The following MGAT4A variants were observed in gnomAD, a reference collection of about 807,000 sequenced individuals.
MGAT4A encodes N-acetylglucosaminyltransferase IVa.
MGAT4A carries 33 observed loss-of-function variants against 74.1 expected under a neutral mutation model. The ratio of observed to expected loss-of-function variants is 0.45; its 90% CI spans 0.34 to 0.60. The LOEUF is 0.60. Among genes scored for constraint, MGAT4A ranks in the 20% least tolerant of loss-of-function variants. The pLI, the probability that MGAT4A is intolerant of heterozygous loss-of-function variation, is 0.02. For synonymous variants in MGAT4A, 198 were observed against 210.4 expected (o/e 0.94, Z 0.51); for missense variants, 479 against 628.3 (o/e 0.76, Z 2.54).
intron 2 of MGAT4A, among the ~76,000 whole-genome samples, chr2:98,686,841 C>G (rs1422453955): frequency 6.6e-6 from 1 of 152,166 alleles, no homozygotes; most frequent in Non-Finnish European, 1.5e-5. Context: ...TCCTTGACTT[C>G]CCTTGGGAAA....
At position 98,623,165 on chromosome 2, in the gene MGAT4A, C is replaced by T. The variant is rs1266719766; in HGVS notation, c.*2401G>A. The T allele has an allele frequency of 1.0e-6, 1 of 985,294 alleles. No homozygotes were observed. Among genetic ancestry groups the T allele is most frequent in the African/African-American group, 1.7e-5 (1 of 57,220 alleles). 61.0% of individuals were successfully genotyped at this position (985,294 alleles called of 1,614,324 possible). A position where few individuals can be genotyped will look rare whatever the true frequency, so the allele number is the denominator to read the frequency against. ...CATGGGGAGAGAAGCACAAAAAAGT[C>T]CTGGAATGATAGGAAAGATTTGGCT... On this transcript the variant is annotated 3_prime_UTR_variant, in exon 16 of 16. Coordinates refer to ENST00000393487, the MANE Select transcript of MGAT4A (RefSeq NM_012214.3).
chr2:98,726,442 A>G lies in MGAT4A; in HGVS notation c.-110T>C. 1 of 759,506 alleles carries G rather than the reference A, an allele frequency of 1.3e-6. No individual in the cohort carries two copies. The highest frequency in any genetic ancestry group is 1.9e-5 in the South Asian group (1 of 52,862). The allele number at this position is 759,506 out of a possible 1,614,324, so 47.0% of individuals were successfully genotyped here. A position where few individuals can be genotyped will look rare whatever the true frequency, so the allele number is the denominator to read the frequency against. ...GCAGTACTCCTGGCTCTAGGCCAAT[A>G]AAAATCAATAAGAGAGGTTCATTTC... On this transcript the variant is annotated 5_prime_UTR_variant, in exon 2 of 16. Transcript: ENST00000393487.
At chr2:98,652,217 C>G (rs371552526) in intron 8 of MGAT4A, among the ~76,000 whole-genome samples, 1 of 152,080 alleles carries the variant, frequency 6.6e-6, no homozygotes, top group East Asian at 1.9e-4. Flanking sequence ...ACGGACCCGA[C>G]AGACATAAAG....
In MGAT4A at chr2:98,671,908, A is replaced by AT. The variant is rs537448148; in HGVS notation, c.403+3126dup. 3.7e-4 allele frequency among the ~76,000 whole-genome samples: 51 copies of AT among 138,526 alleles called. 1 individual carries two copies. In the South Asian group the frequency reaches 0.013, roughly 36 times the overall value. 90.9% of individuals were successfully genotyped at this position (138,526 alleles called of 152,430 possible). A position where few individuals can be genotyped will look rare whatever the true frequency, so the allele number is the denominator to read the frequency against. On this transcript the variant is annotated intron_variant, in intron 4 of 15. Coordinates refer to ENST00000393487, the MANE Select transcript of MGAT4A (RefSeq NM_012214.3). ...GATTTGAAGATACTGTACTTTGACG[A>AT]TGAAGGAAGAGGCCACAAAGTAATG...
chr2:98,691,580 G>T (rs1177365879), intron 2 of MGAT4A, among the ~76,000 whole-genome samples: 2 of 152,218 alleles, frequency 1.3e-5, no homozygotes. Flanking sequence ...TGCCAGTCAT[G>T]TAACAGTCTA....
At chr2:98,722,833 G>A (rs1297720011) in intron 2 of MGAT4A, among the ~76,000 whole-genome samples, 1 of 152,078 alleles carries the variant, frequency 6.6e-6, no homozygotes, top group East Asian at 1.9e-4. Context: ...ACCAGTCTCT[G>A]TCCCCATGGA....
In MGAT4A at chr2:98,656,942, A is replaced by G. The variant is rs183375762; in HGVS notation, c.585-477T>C. ...TGTCATTCTCAACCAGTGTTTCTCA[A>G]CTGGGGGTGATTCTGTCCCTCTGGA... On this transcript the variant is annotated intron_variant, in intron 6 of 15. Coordinates refer to ENST00000393487, the MANE Select transcript of MGAT4A (RefSeq NM_012214.3). Among the ~76,000 whole-genome samples, 23 of 152,298 alleles carry G rather than the reference A, an allele frequency of 1.5e-4. No homozygotes were observed. The East Asian group carries it at 1.5e-3, about 10-fold the overall frequency.
rs190100429 is a variant in MGAT4A, at chr2:98,708,300, G to A, written c.94+17939C>T. On this transcript the variant is annotated intron_variant, in intron 2 of 15. Coordinates refer to ENST00000393487, the MANE Select transcript of MGAT4A (RefSeq NM_012214.3). ...ACAGCTGACAACAAGCTGCTTTTCA[G>A]GTCCGTGATAAAAGGAAAATATTAT... Among the ~76,000 whole-genome samples, 29 of 152,112 alleles carry A rather than the reference G, an allele frequency of 1.9e-4. 1 individual carries two copies. In the East Asian group the frequency reaches 5.0e-3, roughly 26 times the overall value.
intron 2 of MGAT4A, among the ~76,000 whole-genome samples, chr2:98,696,691 T>C (rs1702279602): frequency 6.6e-6 from 1 of 152,248 alleles, no homozygotes; most frequent in African/African-American, 2.4e-5. Flanking sequence ...GATTGTTCTT[T>C]AGGGGTGGAC....
intron 1 of MGAT4A, among the ~76,000 whole-genome samples, chr2:98,730,589 G>C (rs1702837012): frequency 6.8e-6 from 1 of 147,928 alleles, no homozygotes; most frequent in African/African-American, 2.5e-5. Context: ...CTCCCGCGCA[G>C]CCCCCGGGTC....
At position 98,726,273 on chromosome 2, in the gene MGAT4A, A is replaced by G; in HGVS notation, c.60T>C (p.Thr20=). 1 of 1,614,040 alleles carries G rather than the reference A, an allele frequency of 6.2e-7. No homozygotes were observed. Among genetic ancestry groups the G allele is most frequent in the African/African-American group, 1.3e-5 (1 of 75,032 alleles). The part of the protein sequence containing the change: ...TALAFITSFL[T]LSWYTTWQNG... ...TTTGCCATGTAGTATACCAAGACAAAGTAAGGAAGGAAGTGATAAATGCTA... is the reference window on the plus strand; with the variant it reads ...TTTGCCATGTAGTATACCAAGACAAGGTAAGGAAGGAAGTGATAAATGCTA... Residue 20 remains threonine (T), a synonymous_variant, in exon 2 of 16, where the codon ACT becomes ACC. Coordinates refer to ENST00000393487, the MANE Select transcript of MGAT4A (RefSeq NM_012214.3).
At chr2:98,632,132 A>G (rs1427209200) in intron 14 of MGAT4A, among the ~76,000 whole-genome samples, 7 of 150,944 alleles carry the variant, frequency 4.6e-5, no homozygotes. Context: ...AAATAAATAA[A>G]TAAATAAAAA....
intron 2 of MGAT4A, among the ~76,000 whole-genome samples, chr2:98,683,122 G>T (rs1235993051): frequency 6.6e-6 from 1 of 151,824 alleles, no homozygotes; most frequent in Non-Finnish European, 1.5e-5. Flanking sequence ...AAAATAAATG[G>T]CTTCCACTTT....
chr2:98,626,746 G>A (rs181030963), intron 14 of MGAT4A, among the ~76,000 whole-genome samples: 166 of 152,084 alleles, frequency 1.1e-3, no homozygotes, highest in African/African-American at 3.8e-3. Flanking sequence ...AATTCCTTTC[G>A]GGAGTATAAC....
intron 2 of MGAT4A, among the ~76,000 whole-genome samples, chr2:98,708,907 A>T (rs1702476705): frequency 6.6e-6 from 1 of 152,242 alleles, no homozygotes; most frequent in African/African-American, 2.4e-5. Flanking sequence ...ATTGGGTGAC[A>T]GACAACGTGA....
intron 7 of MGAT4A, 38 bp downstream of exon 7, chr2:98,656,314 C>T (rs1701659907): frequency 7.6e-7 from 1 of 1,312,606 alleles, no homozygotes; most frequent in African/African-American, 1.5e-5. Flanking sequence ...AATATTTACA[C>T]TCACAAGTGT....
At chr2:98,633,265 A>C (rs543391598) in intron 14 of MGAT4A, among the ~76,000 whole-genome samples, 1 of 152,324 alleles carries the variant, frequency 6.6e-6, no homozygotes, top group African/African-American at 2.4e-5. Context: ...TCCTGGGCAG[A>C]TGCCACAGCC....
intron 2 of MGAT4A, among the ~76,000 whole-genome samples, chr2:98,686,411 C>T (rs1457670854): frequency 6.6e-6 from 1 of 152,148 alleles, no homozygotes; most frequent in Non-Finnish European, 1.5e-5. Context: ...TAATCATTAA[C>T]AGTGTCATTC....
chr2:98,674,125 C>T (rs967543720), intron 4 of MGAT4A, among the ~76,000 whole-genome samples: 19 of 152,138 alleles, frequency 1.2e-4, no homozygotes, highest in African/African-American at 4.6e-4. Flanking sequence ...TAAAAGCTTA[C>T]ATTTATAGAT....
Sources: allele counts gnomAD v4.1 joint callset (sites outside exome capture counted in the v4.1 genomes callset), GRCh38; gene constraint gnomAD v4.1.1; transcripts MANE v1.5; gene names NCBI Gene and HGNC (gene_info 2026-07-23, HGNC 2026-07-21).